The following SORL1 variants were observed in gnomAD, a reference collection of about 807,000 sequenced individuals.
SORL1 encodes sortilin related receptor 1, also known as sortilin-related receptor.
Under a neutral mutation model 273.7 loss-of-function variants are expected in SORL1, and 127 were observed. The ratio of observed to expected loss-of-function variants is 0.46; its 90% CI spans 0.40 to 0.54. The LOEUF is 0.54. Ranked by LOEUF, SORL1 falls within the 20% of genes least tolerant of loss-of-function variation. The probability of loss-of-function intolerance (pLI) is 0.00; values close to 1 mark genes in which losing one functional copy is unlikely to be tolerated. For synonymous variants in SORL1, 1,031 were observed against 1,067.4 expected (o/e 0.97, Z 0.66); for missense variants, 2,494 against 2,846.1 (o/e 0.88, Z 2.81).
chr11:121,488,235 G>A (rs1565312689), intron 4 of SORL1, 42 bp downstream of exon 4: 1 of 1,598,692 alleles, frequency 6.3e-7, no homozygotes, highest in Admixed American at 1.7e-5. Context: ...GGCTCCTCTA[G>A]TTTTCTCCTC....
intron 3 of SORL1, among the ~76,000 whole-genome samples, chr11:121,485,462 T>C (rs1861460405): frequency 6.6e-6 from 1 of 152,176 alleles, no homozygotes; most frequent in African/African-American, 2.4e-5. Context: ...AAAGAGTGTA[T>C]AACGGTAATA....
At chr11:121,527,875 G>A (rs1466477288) in intron 11 of SORL1, among the ~76,000 whole-genome samples, 1 of 151,982 alleles carries the variant, frequency 6.6e-6, no homozygotes, top group African/African-American at 2.4e-5. Context: ...GTTCGTTTAG[G>A]TGTTTCAATA....
At chr11:121,588,844 C>T (rs1591340988) in intron 28 of SORL1, among the ~76,000 whole-genome samples, 1 of 152,188 alleles carries the variant, frequency 6.6e-6, no homozygotes, top group South Asian at 2.1e-4. Context: ...CCTGGCTCTT[C>T]ACACGGTCTT....
At chr11:121,568,488 G>A (rs1301626730) in intron 22 of SORL1, among the ~76,000 whole-genome samples, 2 of 152,150 alleles carry the variant, frequency 1.3e-5, no homozygotes, top group Non-Finnish European at 2.9e-5. Flanking sequence ...CCTTGATGCA[G>A]TTTGCCAAAC....
At chr11:121,604,149 T>C (rs1394971697) in intron 32 of SORL1, 44 bp from the exon 33 acceptor site, 2 of 1,609,326 alleles carry the variant, frequency 1.2e-6, no homozygotes, top group Non-Finnish European at 1.7e-6. Context: ...TTTAGTACCA[T>C]ACGGCCCCTC....
intron 46 of SORL1, 65 bp downstream of exon 46, chr11:121,625,342 T>C (rs1373704587): frequency 1.3e-5 from 17 of 1,285,910 alleles, no homozygotes; most frequent in Non-Finnish European, 1.9e-5. Context: ...TGTCATATGG[T>C]TTCATGACCA....
chr11:121,545,506 G>A, intron 14 of SORL1, 77 bp downstream of exon 14: 6 of 1,373,282 alleles, frequency 4.4e-6, no homozygotes, highest in Non-Finnish European at 5.1e-6. Context: ...GATTAGGCAT[G>A]GTCCCTTTCC....
At position 121,532,698 on chromosome 11, in the gene SORL1, T is replaced by A. The variant is rs1413962645; in HGVS notation, c.1685+146T>A. On this transcript the variant is annotated intron_variant, in intron 12 of 47. Coordinates refer to ENST00000260197, the MANE Select transcript of SORL1 (RefSeq NM_003105.6). ...GGATATGAGTTAAACTTTTTTTTTT[T>A]TTTTTGAGATGGAGTCTTGCTCTCT... is the stretch of plus-strand genomic sequence containing the variant. The A allele has an allele frequency of 1.2e-5, 8 of 669,684 alleles. 1 individual carries two copies. In the East Asian group the frequency reaches 2.2e-4, roughly 19 times the overall value. The allele number at this position is 669,684 out of a possible 1,614,324, so 41.5% of individuals were successfully genotyped here.
At chr11:121,607,621 A>G (rs1010176760) in intron 37 of SORL1, among the ~76,000 whole-genome samples, 10 of 152,244 alleles carry the variant, frequency 6.6e-5, no homozygotes, top group African/African-American at 2.4e-4. Flanking sequence ...CTGCAGGATG[A>G]TGCAGAGCTA....
intron 6 of SORL1, among the ~76,000 whole-genome samples, chr11:121,498,776 C>T (rs1277637230): frequency 6.6e-6 from 1 of 151,494 alleles, no homozygotes; most frequent in East Asian, 1.9e-4. Flanking sequence ...CTCGGAAGGC[C>T]GAGGCAGGAG....
chr11:121,605,534 C>A lies in SORL1; in HGVS notation c.4911C>A (p.Asn1637Lys). The change falls in exon 35 of 48, where the codon AAC becomes AAA. Residue 1637 changes from asparagine to lysine, a missense_variant. Coordinates refer to ENST00000260197, the MANE Select transcript of SORL1 (RefSeq NM_003105.6). ...VQVQCLSKAHNTNDFVTLRTP... is the reference protein window; with the variant it reads ...VQVQCLSKAHKTNDFVTLRTP... Reference sequence around the variant, plus strand: ...TTCAGTGTCTCAGCAAGGCACACAACACCAATGACTTTGTGACCCTGAGGA... The same window carrying A: ...TTCAGTGTCTCAGCAAGGCACACAAAACCAATGACTTTGTGACCCTGAGGA... 1 of 1,614,150 alleles carries A rather than the reference C, an allele frequency of 6.2e-7. No homozygotes were observed. Among genetic ancestry groups the A allele is most frequent in the Non-Finnish European group, 8.5e-7 (1 of 1,179,992 alleles).
At chr11:121,625,390 T>G (rs1863781014) in intron 46 of SORL1, 113 bp downstream of exon 46, 9 of 865,760 alleles carry the variant, frequency 1.0e-5, no homozygotes, top group Non-Finnish European at 1.6e-5. Flanking sequence ...ATTCTCAGCT[T>G]AAAAGAAAAT....
At chr11:121,475,337 T>TG (rs1429887055) in intron 2 of SORL1, among the ~76,000 whole-genome samples, 3 of 152,184 alleles carry the variant, frequency 2.0e-5, no homozygotes, top group Non-Finnish European at 4.4e-5. Context: ...TTTTTCAACC[T>TG]GGCCAAGGGA....
rs996523266 is a variant in SORL1, at chr11:121,618,126, C to G, written c.5605-648C>G. On this transcript the variant is annotated intron_variant, in intron 41 of 47. Coordinates refer to ENST00000260197, the MANE Select transcript of SORL1 (RefSeq NM_003105.6). ...ATGAGCCCTCCTAAAGCTTTTCCTG[C>G]GACACTTCTGCATCTCAATGGCTGG... is the stretch of plus-strand genomic sequence containing the variant. Among the ~76,000 whole-genome samples the G allele has an allele frequency of 1.2e-4, 18 of 152,192 alleles. 1 individual carries two copies. The highest frequency in any genetic ancestry group is 4.3e-4 in the African/African-American group (18 of 41,442).
chr11:121,566,905 A>G (rs1293869112), intron 21 of SORL1, 35 bp from the exon 22 acceptor site: 3 of 1,596,976 alleles, frequency 1.9e-6, no homozygotes, highest in Non-Finnish European at 1.7e-6. Flanking sequence ...CATGGTGTGT[A>G]TTAACCTACC....
At position 121,484,811 on chromosome 11, in the gene SORL1, T is replaced by A. The variant is rs183005247; in HGVS notation, c.529-3221T>A. On this transcript the variant is annotated intron_variant, in intron 3 of 47. Transcript: ENST00000260197. Reference sequence around the variant, plus strand: ...CTTCATCACCCAGGCTGGAGTGCAGTGGTGTGATGTCGGCTCATTGCAACC... The same window carrying A: ...CTTCATCACCCAGGCTGGAGTGCAGAGGTGTGATGTCGGCTCATTGCAACC... 1.1e-4 allele frequency among the ~76,000 whole-genome samples: 16 copies of A among 152,210 alleles called. 1 individual carries two copies. Among genetic ancestry groups the A allele is most frequent in the Admixed American group, 2.6e-4 (4 of 15,288 alleles).
chr11:121,552,046 A>G (rs534998191), intron 16 of SORL1, among the ~76,000 whole-genome samples: 1 of 152,294 alleles, frequency 6.6e-6, no homozygotes, highest in Admixed American at 6.5e-5. Flanking sequence ...AACTGGCAGG[A>G]AAGCTATTTT....
intron 1 of SORL1, among the ~76,000 whole-genome samples, chr11:121,464,748 C>T (rs538721646): frequency 1.3e-5 from 2 of 152,262 alleles, no homozygotes; most frequent in South Asian, 2.1e-4. Context: ...CTTGGGCCTG[C>T]GGCTGTTTCT....
chr11:121,529,503 T>C (rs1331354746), intron 11 of SORL1, among the ~76,000 whole-genome samples: 1 of 152,184 alleles, frequency 6.6e-6, no homozygotes, highest in African/African-American at 2.4e-5. Context: ...AGGTGTGAGA[T>C]ACCACGCCCA....
Sources: allele counts gnomAD v4.1 joint callset (sites outside exome capture counted in the v4.1 genomes callset), GRCh38; gene constraint gnomAD v4.1.1; transcripts MANE v1.5; gene names NCBI Gene and HGNC (gene_info 2026-07-23, HGNC 2026-07-21).